Variants in NMNAT2 observed in about 807,000 individuals in gnomAD.
NMNAT2 encodes nicotinamide/nicotinic acid mononucleotide adenylyltransferase 2.
A neutral mutation model predicts 41.6 loss-of-function variants in NMNAT2; 11 were observed. That is an observed-to-expected ratio of 0.26 (90% CI 0.17 to 0.44). The LOEUF (loss-of-function observed/expected upper bound fraction) is 0.44, where lower values mean the gene tolerates loss of function less well. Among genes scored for constraint, NMNAT2 ranks in the 20% least tolerant of loss-of-function variants. The probability of loss-of-function intolerance (pLI) is 1.00; values close to 1 mark genes in which losing one functional copy is unlikely to be tolerated. For missense variants in NMNAT2, 288 were observed against 407.7 expected, an observed-to-expected ratio of 0.71 and a Z score of 2.53; for synonymous variants, 148 against 151.2, an observed-to-expected ratio of 0.98 and a Z score of 0.16.
intron 1 of NMNAT2, among the ~76,000 whole-genome samples, chr1:183,327,846 AG>A (rs916238846): frequency 2.4e-4 from 37 of 152,198 alleles, no homozygotes; most frequent in Middle Eastern, 3.4e-3. Flanking sequence ...TGCCCTGGGA[AG>A]CTACTGCTTT....
intron 1 of NMNAT2, among the ~76,000 whole-genome samples, chr1:183,306,926 A>C (rs1662006733): frequency 6.6e-6 from 1 of 152,148 alleles, no homozygotes; most frequent in East Asian, 1.9e-4. Flanking sequence ...GTTGTTAGAT[A>C]AACAGTATAA....
chr1:183,327,235 G>A (rs1221293662), intron 1 of NMNAT2, among the ~76,000 whole-genome samples: 1 of 151,966 alleles, frequency 6.6e-6, no homozygotes, highest in Non-Finnish European at 1.5e-5. Flanking sequence ...ATTTTTAGTA[G>A]AGACAGCTGG....
At chr1:183,300,561 A>G (rs1661824073) in intron 1 of NMNAT2, among the ~76,000 whole-genome samples, 1 of 152,208 alleles carries the variant, frequency 6.6e-6, no homozygotes, top group Non-Finnish European at 1.5e-5. Flanking sequence ...TACCCAGTCT[A>G]AGGTATTTTG....
At chr1:183,360,990 G>A (rs532469705) in intron 1 of NMNAT2, among the ~76,000 whole-genome samples, 8 of 152,152 alleles carry the variant, frequency 5.3e-5, no homozygotes, top group South Asian at 4.2e-4. Flanking sequence ...AGTTAACCAC[G>A]TTTTAACTGT....
At chr1:183,294,448 A>C (rs1161437080) in intron 1 of NMNAT2, among the ~76,000 whole-genome samples, 1 of 152,212 alleles carries the variant, frequency 6.6e-6, no homozygotes, top group East Asian at 1.9e-4. Flanking sequence ...CAAACAAGGA[A>C]GGGACTGAAA....
intron 8 of NMNAT2, among the ~76,000 whole-genome samples, chr1:183,273,477 C>G (rs1211974696): frequency 6.6e-6 from 1 of 152,202 alleles, no homozygotes; most frequent in Non-Finnish European, 1.5e-5. Flanking sequence ...TCACATATCT[C>G]GCTTCCAGGA....
At chr1:183,292,902 CA>C (rs1661580762) in intron 2 of NMNAT2, 45 bp from the exon 3 acceptor site, 1 of 1,586,536 alleles carries the variant, frequency 6.3e-7, no homozygotes, top group Admixed American at 1.7e-5. Flanking sequence ...CTCCGTTCCC[CA>C]CAACATCCTT....
At chr1:183,360,757 G>T (rs1663290561) in intron 1 of NMNAT2, among the ~76,000 whole-genome samples, 1 of 152,190 alleles carries the variant, frequency 6.6e-6, no homozygotes, top group Non-Finnish European at 1.5e-5. Context: ...GCATATAGTA[G>T]GCTGACTTTT....
chr1:183,399,547 C>T (rs1490795941), intron 1 of NMNAT2, among the ~76,000 whole-genome samples: 1 of 152,152 alleles, frequency 6.6e-6, no homozygotes, highest in African/African-American at 2.4e-5. Context: ...GGGAATCCTC[C>T]CTAACTCATT....
At chr1:183,362,209 G>A (rs1663321164) in intron 1 of NMNAT2, among the ~76,000 whole-genome samples, 2 of 152,086 alleles carry the variant, frequency 1.3e-5, no homozygotes, top group Admixed American at 1.3e-4. Context: ...AAAGTGCTAG[G>A]ATTACGGGCA....
chr1:183,260,884 A>T (rs1660640253), intron 10 of NMNAT2, 118 bp downstream of exon 10: 1 of 807,664 alleles, frequency 1.2e-6, no homozygotes, highest in Admixed American at 1.7e-5. Context: ...ACAGGAAGCT[A>T]AACACCAGGG....
chr1:183,348,349 T>C (rs1662976811), intron 1 of NMNAT2, among the ~76,000 whole-genome samples: 1 of 152,228 alleles, frequency 6.6e-6, no homozygotes, highest in African/African-American at 2.4e-5. Flanking sequence ...TAATTTATTC[T>C]GGGAATGCTG....
chr1:183,259,011 C>T (rs1412395981), intron 10 of NMNAT2, among the ~76,000 whole-genome samples: 1 of 152,166 alleles, frequency 6.6e-6, no homozygotes, highest in African/African-American at 2.4e-5. Context: ...TTGCAATTCC[C>T]CTGTCTTGAT....
intron 10 of NMNAT2, among the ~76,000 whole-genome samples, chr1:183,257,815 A>G (rs531206161): frequency 1.3e-5 from 2 of 148,908 alleles, no homozygotes; most frequent in Admixed American, 1.3e-4. Context: ...CCAACTCTTC[A>G]TTTTATTAAT....
At chr1:183,268,075 G>T (rs1037560091) in intron 8 of NMNAT2, among the ~76,000 whole-genome samples, 7 of 152,130 alleles carry the variant, frequency 4.6e-5, no homozygotes, top group African/African-American at 1.7e-4. Flanking sequence ...GGATAGGGAT[G>T]GGGAGAGGAT....
chr1:183,416,253 T>A (rs994751086), intron 1 of NMNAT2, among the ~76,000 whole-genome samples: 3 of 152,238 alleles, frequency 2.0e-5, no homozygotes, highest in African/African-American at 7.2e-5. Context: ...TGGGATTTCC[T>A]AGCTTCAGGA....
chr1:183,286,645 C>T lies in NMNAT2; in HGVS notation c.448+17G>A. On this transcript the variant is annotated intron_variant, in intron 5 of 10. Transcript: ENST00000287713. ...ATGATTCTGAGGTCTGAGAATCACA[C>T]ATCAGTGTTCCCCTACCTGCAGTGG... 1 of 1,596,918 alleles carries T rather than the reference C, an allele frequency of 6.3e-7. No individual in the cohort carries two copies. The highest frequency in any genetic ancestry group is 8.5e-7 in the Non-Finnish European group (1 of 1,170,892).
intron 8 of NMNAT2, among the ~76,000 whole-genome samples, chr1:183,262,208 G>A (rs1201785648): frequency 6.6e-6 from 1 of 151,914 alleles, no homozygotes; most frequent in Non-Finnish European, 1.5e-5. Context: ...TGAAATTACA[G>A]GTGTGAGCCA....
intron 1 of NMNAT2, among the ~76,000 whole-genome samples, chr1:183,352,907 T>C (rs971042819): frequency 3.9e-5 from 6 of 152,104 alleles, no homozygotes; most frequent in Admixed American, 1.3e-4. Flanking sequence ...TGAGATGAAG[T>C]GCTAAGGGGC....
Sources: gnomAD v4.1 joint callset for allele counts (sites outside exome capture counted in the v4.1 genomes callset) on GRCh38, gnomAD v4.1.1 for gene constraint, MANE v1.5 for transcripts, NCBI Gene and HGNC (gene_info 2026-07-23, HGNC 2026-07-21) for gene names.